Variants in GATAD2B observed in about 807,000 individuals in gnomAD.
GATAD2B encodes the protein transcriptional repressor p66-beta.
GATAD2B carries 8 observed loss-of-function variants against 64.3 expected under a neutral mutation model. The observed-to-expected ratio is 0.12, with a 90% confidence interval of 0.07 to 0.22. The LOEUF (loss-of-function observed/expected upper bound fraction) is 0.22. GATAD2B is among the 10% of genes least tolerant of loss of function. The pLI, the probability that GATAD2B is intolerant of heterozygous loss-of-function variation, is 1.00. For synonymous variants in GATAD2B, 281 were observed against 271.3 expected (o/e 1.04, Z -0.35); for missense variants, 453 against 752.0 (o/e 0.60, Z 4.65).
intron 2 of GATAD2B, among the ~76,000 whole-genome samples, chr1:153,822,100 G>T (rs1674703787): frequency 1.3e-5 from 2 of 151,872 alleles, no homozygotes; most frequent in African/African-American, 2.4e-5. Flanking sequence ...AGAATCACAT[G>T]AACCTGGGAG....
At chr1:153,884,256 C>A (rs140832836) in intron 1 of GATAD2B, among the ~76,000 whole-genome samples, 15 of 152,206 alleles carry the variant, frequency 9.9e-5, no homozygotes, top group Non-Finnish European at 1.6e-4. Context: ...CTGGCTAACA[C>A]GGTGAAACCC....
chr1:153,849,633 CTTG>C (rs1675817575), intron 1 of GATAD2B, among the ~76,000 whole-genome samples: 1 of 151,886 alleles, frequency 6.6e-6, no homozygotes, highest in Non-Finnish European at 1.5e-5. Context: ...TAAATTTGAC[CTTG>C]TTTTTTCTTT....
intron 1 of GATAD2B, among the ~76,000 whole-genome samples, chr1:153,902,152 T>C (rs956819871): frequency 5.9e-5 from 9 of 151,782 alleles, no homozygotes; most frequent in Non-Finnish European, 1.0e-4. Context: ...TGGTGGCACA[T>C]GCCTGCAATC....
At chr1:153,847,544 G>A (rs996197039) in intron 1 of GATAD2B, among the ~76,000 whole-genome samples, 7 of 151,988 alleles carry the variant, frequency 4.6e-5, no homozygotes, top group African/African-American at 9.7e-5. Context: ...CACTGAGCCC[G>A]GCCTAATTTT....
chr1:153,878,335 C>T (rs1023178760), intron 1 of GATAD2B, among the ~76,000 whole-genome samples: 1 of 151,888 alleles, frequency 6.6e-6, no homozygotes, highest in Non-Finnish European at 1.5e-5. Flanking sequence ...CCCTATGTTG[C>T]CCAGGCTGGT....
intron 7 of GATAD2B, among the ~76,000 whole-genome samples, chr1:153,815,118 A>C (rs1435941734): frequency 1.5e-5 from 2 of 133,988 alleles, no homozygotes; most frequent in African/African-American, 5.4e-5. Flanking sequence ...AAAAACCAAC[A>C]AAGAAAAAAA....
At chr1:153,918,194 TATTGCAAGGACTGGCA>T (rs1177672147) in intron 1 of GATAD2B, among the ~76,000 whole-genome samples, 2 of 152,212 alleles carry the variant, frequency 1.3e-5, no homozygotes, top group Admixed American at 1.3e-4. Context: ...CCTTAAAGGC[TATTGCAAGGACTGGCA>T]TTACTCTGTC....
chr1:153,845,618 G>A (rs1176727451), intron 1 of GATAD2B, among the ~76,000 whole-genome samples: 1 of 142,956 alleles, frequency 7.0e-6, no homozygotes, highest in Admixed American at 7.0e-5. Context: ...GGTAGTGCAC[G>A]CCTACAGTTC....
At chr1:153,918,017 C>T (rs566861219) in intron 1 of GATAD2B, among the ~76,000 whole-genome samples, 1 of 152,222 alleles carries the variant, frequency 6.6e-6, no homozygotes, top group East Asian at 1.9e-4. Context: ...AGCTGTTTTC[C>T]CACTAGAAGG....
In GATAD2B at chr1:153,900,733, C is replaced by T. The variant is rs1677741248; in HGVS notation, c.-2+22000G>A. 2.0e-5 allele frequency among the ~76,000 whole-genome samples: 3 copies of T among 152,108 alleles called. No homozygotes were observed. The South Asian group carries it at 6.2e-4, about 32-fold the overall frequency. On this transcript the variant is annotated intron_variant, in intron 1 of 10. Transcript: ENST00000368655. ...AGTAAATATTTTAGGTTTTGGAGGC[C>T]TTAACATCTTTGTTGTGACTAGTAA...
At chr1:153,891,538 C>G (rs867531282) in intron 1 of GATAD2B, among the ~76,000 whole-genome samples, 8 of 135,344 alleles carry the variant, frequency 5.9e-5, no homozygotes, top group Middle Eastern at 8.2e-3. Flanking sequence ...CCACTGCACT[C>G]CAGCCTGGGC....
chr1:153,826,838 G>A (rs544670008), intron 2 of GATAD2B, among the ~76,000 whole-genome samples: 3 of 151,988 alleles, frequency 2.0e-5, no homozygotes, highest in Admixed American at 6.6e-5. Context: ...CTACTTGGGA[G>A]GCTAGGGCGC....
chr1:153,903,996 A>G (rs1259455661), intron 1 of GATAD2B, among the ~76,000 whole-genome samples: 1 of 150,156 alleles, frequency 6.7e-6, no homozygotes, highest in Non-Finnish European at 1.5e-5. Context: ...AAATAAATAG[A>G]TATGCCAGGC....
intron 1 of GATAD2B, among the ~76,000 whole-genome samples, chr1:153,900,978 C>T (rs1287943971): frequency 6.6e-6 from 1 of 151,978 alleles, no homozygotes; most frequent in African/African-American, 2.4e-5. Flanking sequence ...CTTTGGGAGG[C>T]CAAGGTGGGT....
chr1:153,852,247 T>C lies in GATAD2B; in HGVS notation c.-1-23899A>G, dbSNP rs1358051856. 3 of 1,221,244 alleles carry C rather than the reference T, an allele frequency of 2.5e-6. No individual in the cohort carries two copies. In the East Asian group the frequency reaches 7.0e-5, roughly 29 times the overall value. 75.7% of individuals were successfully genotyped at this position (1,221,244 alleles called of 1,614,324 possible). On this transcript the variant is annotated intron_variant, in intron 1 of 10. Coordinates refer to ENST00000368655, the MANE Select transcript of GATAD2B (RefSeq NM_020699.4). ...GGGCATGTTGTTAACAAGAAATCCA[T>C]CAAGTCATCTAAAGATTCCTTCATT...
At chr1:153,825,078 A>T (rs1004907043) in intron 2 of GATAD2B, among the ~76,000 whole-genome samples, 3 of 152,202 alleles carry the variant, frequency 2.0e-5, no homozygotes, top group African/African-American at 7.2e-5. Context: ...ACAGAGTGAG[A>T]CCTTGTCAGG....
At chr1:153,884,037 C>T (rs1171731127) in intron 1 of GATAD2B, among the ~76,000 whole-genome samples, 2 of 152,076 alleles carry the variant, frequency 1.3e-5, no homozygotes. Flanking sequence ...TGGCTCACGC[C>T]TATAATCCCA....
At chr1:153,853,362 G>T in intron 1 of GATAD2B, 1 of 691,552 alleles carries the variant, frequency 1.4e-6, no homozygotes, top group South Asian at 1.6e-5. Context: ...AGGGCAGGTT[G>T]ACCACCCGAG....
intron 1 of GATAD2B, chr1:153,852,912 G>A (rs1291375797): frequency 2.5e-6 from 2 of 797,298 alleles, no homozygotes; most frequent in Admixed American, 3.6e-5. Flanking sequence ...CACTGCTCAT[G>A]AGCTGCATTA....
Sources: allele counts gnomAD v4.1 joint callset (sites outside exome capture counted in the v4.1 genomes callset), GRCh38; gene constraint gnomAD v4.1.1; transcripts MANE v1.5; gene names NCBI Gene and HGNC (gene_info 2026-07-23, HGNC 2026-07-21).